Variants in KHDRBS2 observed in about 807,000 individuals in gnomAD.
KHDRBS2 encodes the protein KH RNA binding domain containing, signal transduction associated 2, also known as KH domain-containing, RNA-binding, signal transduction-associated protein 2.
Under a neutral mutation model 44.3 loss-of-function variants are expected in KHDRBS2, and 26 were observed. That is an observed-to-expected ratio of 0.59 (90% CI 0.43 to 0.81). The LOEUF is 0.81. KHDRBS2 is among the 40% of genes least tolerant of loss of function. KHDRBS2 has a pLI of 0.00. For synonymous variants in KHDRBS2, 194 were observed against 151.1 expected (o/e 1.28, Z -2.08); for missense variants, 476 against 433.1 (o/e 1.10, Z -0.88).
At chr6:61,820,227 T>C (rs192127396) in intron 6 of KHDRBS2, among the ~76,000 whole-genome samples, 1 of 152,136 alleles carries the variant, frequency 6.6e-6, no homozygotes, top group Admixed American at 6.6e-5. Context: ...ATCCATTAGA[T>C]GACACTAGAA....
intron 6 of KHDRBS2, among the ~76,000 whole-genome samples, chr6:61,771,496 A>G (rs574787222): frequency 6.6e-6 from 1 of 152,310 alleles, no homozygotes; most frequent in East Asian, 1.9e-4. Context: ...AGGAAGATCT[A>G]CCAAGCAAAT....
At chr6:61,785,745 T>C (rs1171985223) in intron 6 of KHDRBS2, among the ~76,000 whole-genome samples, 1 of 152,120 alleles carries the variant, frequency 6.6e-6, no homozygotes, top group East Asian at 1.9e-4. Context: ...TGCTTTAGAA[T>C]ATATTTTTTA....
At chr6:61,727,569 A>C (rs1773778020) in intron 7 of KHDRBS2, among the ~76,000 whole-genome samples, 1 of 152,184 alleles carries the variant, frequency 6.6e-6, no homozygotes, top group Non-Finnish European at 1.5e-5. Flanking sequence ...CAGAGTCTAC[A>C]AGGACCTTAA....
intron 6 of KHDRBS2, among the ~76,000 whole-genome samples, chr6:61,791,333 T>C (rs1268862094): frequency 6.6e-6 from 1 of 151,484 alleles, no homozygotes; most frequent in Non-Finnish European, 1.5e-5. Context: ...TTTGCTTGGC[T>C]CCTTAAATTT....
chr6:62,231,023 C>T (rs180703492), intron 1 of KHDRBS2, among the ~76,000 whole-genome samples: 1 of 152,284 alleles, frequency 6.6e-6, no homozygotes, highest in African/African-American at 2.4e-5. Flanking sequence ...TTATTAAACA[C>T]ATGAGCTATT....
the KHDRBS2 span, among the ~76,000 whole-genome samples, chr6:61,630,040 G>A: frequency 6.6e-6 from 1 of 152,040 alleles, no homozygotes. Context: ...ATGTCCAGTA[G>A]GAAATCTTTA....
At chr6:61,588,929 G>A in the KHDRBS2 span, among the ~76,000 whole-genome samples, 5 of 152,112 alleles carry the variant, frequency 3.3e-5, no homozygotes, top group East Asian at 3.9e-4. Context: ...CATGGATGAA[G>A]CTGGAAACCA....
intron 6 of KHDRBS2, among the ~76,000 whole-genome samples, chr6:61,735,034 A>C (rs539924843): frequency 6.6e-6 from 1 of 152,186 alleles, no homozygotes; most frequent in East Asian, 1.9e-4. Flanking sequence ...TCTTGCTGAA[A>C]CATCTCTTTC....
intron 2 of KHDRBS2, among the ~76,000 whole-genome samples, chr6:62,131,901 A>T (rs934318308): frequency 5.3e-5 from 8 of 152,226 alleles, no homozygotes; most frequent in African/African-American, 1.9e-4. Flanking sequence ...CTGAATGAGT[A>T]TGTGAAAGGT....
At chr6:61,797,661 T>G (rs1785559113) in intron 6 of KHDRBS2, among the ~76,000 whole-genome samples, 1 of 151,940 alleles carries the variant, frequency 6.6e-6, no homozygotes, top group African/African-American at 2.4e-5. Context: ...CACCTCATTG[T>G]AACATAATGC....
chr6:61,552,120 A>C, the KHDRBS2 span, among the ~76,000 whole-genome samples: 2 of 152,064 alleles, frequency 1.3e-5, no homozygotes, highest in Non-Finnish European at 2.9e-5. Flanking sequence ...GGCCATTTTA[A>C]CAATATTGAT....
intron 2 of KHDRBS2, among the ~76,000 whole-genome samples, chr6:62,113,176 C>A (rs1488665968): frequency 6.6e-6 from 1 of 151,968 alleles, no homozygotes; most frequent in Non-Finnish European, 1.5e-5. Context: ...CTAGAAGAAC[C>A]CTCCCATTAA....
chr6:61,832,466 A>T (rs1791979058), intron 6 of KHDRBS2, among the ~76,000 whole-genome samples: 1 of 152,140 alleles, frequency 6.6e-6, no homozygotes, highest in African/African-American at 2.4e-5. Flanking sequence ...TAAAAGCTGC[A>T]ACCTGACATC....
At chr6:61,779,583 A>T (rs1782616233) in intron 6 of KHDRBS2, among the ~76,000 whole-genome samples, 3 of 152,212 alleles carry the variant, frequency 2.0e-5, no homozygotes. Flanking sequence ...ACAATATTTG[A>T]TCAGAAAATG....
chr6:62,063,867 A>T (rs1181309534), intron 2 of KHDRBS2, among the ~76,000 whole-genome samples: 2 of 136,076 alleles, frequency 1.5e-5, no homozygotes, highest in African/African-American at 5.5e-5. Flanking sequence ...ACATGATTGT[A>T]TATCTAGAAA....
intron 4 of KHDRBS2, among the ~76,000 whole-genome samples, chr6:61,955,441 T>TAC (rs1464391546): frequency 1.5e-5 from 1 of 65,788 alleles, no homozygotes; most frequent in Non-Finnish European, 3.8e-5. Flanking sequence ...TGTGTATGTA[T>TAC]ACATATGTGT....
chr6:61,634,268 A>T, the KHDRBS2 span, among the ~76,000 whole-genome samples: 3 of 8,464 alleles, frequency 3.5e-4, no homozygotes, highest in African/African-American at 8.3e-4. Context: ...AGATCAAATT[A>T]AAAAAAAAAA....
the KHDRBS2 span, among the ~76,000 whole-genome samples, chr6:61,655,655 A>T: frequency 6.6e-6 from 1 of 152,066 alleles, no homozygotes; most frequent in African/African-American, 2.4e-5. Context: ...AATTACTTTT[A>T]ATTTGGCTAG....
chr6:62,259,859 T>C (rs544479894), intron 1 of KHDRBS2, among the ~76,000 whole-genome samples: 5 of 152,134 alleles, frequency 3.3e-5, no homozygotes, highest in African/African-American at 1.2e-4. Context: ...TTTTTAAAAA[T>C]GTGTTTTTAA....
Sources: gnomAD v4.1 joint callset for allele counts (sites outside exome capture counted in the v4.1 genomes callset) on GRCh38, gnomAD v4.1.1 for gene constraint, MANE v1.5 for transcripts, NCBI Gene and HGNC (gene_info 2026-07-23, HGNC 2026-07-21) for gene names.